The following SLIT2 variants were observed in gnomAD, a reference collection of about 807,000 sequenced individuals.
SLIT2 encodes the protein slit homolog 2 protein.
In SLIT2, 41 loss-of-function variants were observed where a neutral mutation model predicts 185.7. That is an observed-to-expected ratio of 0.22 (90% CI 0.17 to 0.29). The LOEUF is 0.29. Ranked by LOEUF, SLIT2 falls within the 10% of genes least tolerant of loss-of-function variation. The probability of loss-of-function intolerance (pLI) is 1.00; values close to 1 mark genes in which losing one functional copy is unlikely to be tolerated. For synonymous variants in SLIT2, 693 were observed against 680.2 expected, an observed-to-expected ratio of 1.02 and a Z score of -0.29; for missense variants, 1,571 against 1,909.0, an observed-to-expected ratio of 0.82 and a Z score of 3.30.
intron 21 of SLIT2, among the ~76,000 whole-genome samples, chr4:20,545,673 G>T (rs1723185066): frequency 6.6e-6 from 1 of 152,054 alleles, no homozygotes; most frequent in African/African-American, 2.4e-5. Context: ...CTTGGCCACA[G>T]CAGCAAGGTT....
At chr4:20,418,120 T>C (rs1287336566) in intron 4 of SLIT2, among the ~76,000 whole-genome samples, 2 of 152,170 alleles carry the variant, frequency 1.3e-5, no homozygotes, top group African/African-American at 4.8e-5. Context: ...ATCAGTTGAA[T>C]TGGCATGGGA....
intron 4 of SLIT2, among the ~76,000 whole-genome samples, chr4:20,320,563 C>T (rs1017864420): frequency 8.5e-5 from 13 of 152,178 alleles, no homozygotes; most frequent in South Asian, 2.1e-4. Context: ...GTCATGTTCT[C>T]GTCACTGAAT....
Position 20,528,921 on chromosome 4 carries a change from T to C in SLIT2, c.1463-28T>C, listed in dbSNP as rs778454168. 1.5e-5 allele frequency: 24 copies of C among 1,581,104 alleles called. No individual in the cohort carries two copies. The highest frequency in any genetic ancestry group is 2.1e-5 in the Non-Finnish European group (24 of 1,156,174). On this transcript the variant is annotated intron_variant, in intron 15 of 36. Coordinates refer to ENST00000504154, the MANE Select transcript of SLIT2 (RefSeq NM_004787.4). The surrounding 1 kb of genome is among the most constrained non-coding windows in gnomAD (Gnocchi z 4.2). ...AATTTTCTAACCTTTAGACTCAGTATCTTTTTTTTGGTTTGAATTCTCAAT... is the reference window on the plus strand; with the variant it reads ...AATTTTCTAACCTTTAGACTCAGTACCTTTTTTTTGGTTTGAATTCTCAAT...
intron 5 of SLIT2, among the ~76,000 whole-genome samples, chr4:20,478,218 C>A (rs577208515): frequency 5.9e-5 from 9 of 152,106 alleles, no homozygotes; most frequent in Non-Finnish European, 1.3e-4. Context: ...ACTTGGATTG[C>A]CCCTTCATAT....
intron 3 of SLIT2, among the ~76,000 whole-genome samples, chr4:20,258,201 T>G (rs1017074367): frequency 1.3e-5 from 2 of 151,822 alleles, no homozygotes; most frequent in African/African-American, 4.8e-5. Flanking sequence ...TACTTAAAGA[T>G]GTACAAGCAT....
intron 4 of SLIT2, among the ~76,000 whole-genome samples, chr4:20,323,300 G>C (rs1349996089): frequency 6.6e-6 from 1 of 152,138 alleles, no homozygotes; most frequent in Non-Finnish European, 1.5e-5. Context: ...TCAGTTAACT[G>C]TAGTTGAAGA....
At position 20,541,555 on chromosome 4, in the gene SLIT2, A is replaced by G. The variant is rs765872038; in HGVS notation, c.2079A>G (p.Lys693=). The part of the protein sequence containing the change: ...RIVTGNPRCQ[K]PYFLKEIPIQ... The stretch of plus-strand genomic sequence containing the variant: ...TCACGGGAAATCCTAGATGTCAAAA[A>G]CCATACTTCCTGAAAGAAATACCCA... Residue 693 remains lysine (K), a synonymous_variant, in exon 20 of 37, where the codon AAA becomes AAG. Coordinates refer to ENST00000504154, the MANE Select transcript of SLIT2 (RefSeq NM_004787.4). 1.2e-6 allele frequency: 2 copies of G among 1,613,866 alleles called. No homozygotes were observed. The highest frequency in any genetic ancestry group is 1.3e-5 in the African/African-American group (1 of 74,914).
chr4:20,357,598 A>G (rs1722427319), intron 4 of SLIT2, among the ~76,000 whole-genome samples: 1 of 152,090 alleles, frequency 6.6e-6, no homozygotes. Context: ...AAGTGGTAGT[A>G]GGTAGTAGGT....
intron 26 of SLIT2, among the ~76,000 whole-genome samples, chr4:20,566,386 A>AATGC (rs1461202853): frequency 2.0e-5 from 3 of 152,216 alleles, no homozygotes; most frequent in Admixed American, 6.6e-5. Context: ...TCTCACACAG[A>AATGC]ATGCACAAAG....
chr4:20,476,941 T>G (rs1033062098), intron 5 of SLIT2, among the ~76,000 whole-genome samples: 1 of 152,062 alleles, frequency 6.6e-6, no homozygotes, highest in Non-Finnish European at 1.5e-5. Context: ...CTAGAATAAA[T>G]CAAAATTTGA....
intron 4 of SLIT2, among the ~76,000 whole-genome samples, chr4:20,417,837 A>T (rs1362701111): frequency 6.6e-6 from 1 of 152,010 alleles, no homozygotes; most frequent in African/African-American, 2.4e-5. Context: ...TCATCTTCAC[A>T]TAGCCAACTC....
intron 4 of SLIT2, among the ~76,000 whole-genome samples, chr4:20,277,352 T>C (rs1363710848): frequency 6.6e-6 from 1 of 152,118 alleles, no homozygotes; most frequent in Non-Finnish European, 1.5e-5. Context: ...CAGTTTAACC[T>C]TGACCCTTTA....
intron 4 of SLIT2, among the ~76,000 whole-genome samples, chr4:20,383,509 A>G (rs889798708): frequency 3.9e-5 from 6 of 152,168 alleles, no homozygotes; most frequent in African/African-American, 7.2e-5. Flanking sequence ...TACAAATGCA[A>G]TGATATACCA....
At chr4:20,406,488 C>G (rs1726785308) in intron 4 of SLIT2, among the ~76,000 whole-genome samples, 1 of 143,346 alleles carries the variant, frequency 7.0e-6, no homozygotes, top group Non-Finnish European at 1.6e-5. Context: ...AAGAGAGGAA[C>G]CAAATTATTG....
rs1383508175 is a variant in SLIT2 at position 20,377,765 on chromosome 4, G to A, written c.396-89987G>A. ...CAACTCTCAGTTTATTTCATTTGAA[G>A]GAGGTAGTTGGTTTCTCAGACTGCT... On this transcript the variant is annotated intron_variant, in intron 4 of 36. Transcript: ENST00000504154. 4.6e-5 allele frequency among the ~76,000 whole-genome samples: 7 copies of A among 152,202 alleles called. No individual in the cohort carries two copies. In the South Asian group the frequency reaches 1.4e-3, roughly 32 times the overall value.
chr4:20,486,384 A>T, intron 7 of SLIT2, 113 bp downstream of exon 7: 1 of 647,062 alleles, frequency 1.5e-6, no homozygotes, highest in Non-Finnish European at 2.8e-6. Context: ...AGACAAGGAA[A>T]ACCCAACTTT....
chr4:20,374,906 A>T (rs1014012619), intron 4 of SLIT2, among the ~76,000 whole-genome samples: 1 of 152,128 alleles, frequency 6.6e-6, no homozygotes, highest in Non-Finnish European at 1.5e-5. Context: ...ACAAATGTCA[A>T]TAAGTCACAG....
At chr4:20,310,718 C>A (rs1391703249) in intron 4 of SLIT2, among the ~76,000 whole-genome samples, 2 of 152,142 alleles carry the variant, frequency 1.3e-5, no homozygotes, top group Non-Finnish European at 2.9e-5. Flanking sequence ...GAAGCTCTTT[C>A]ATATTATTTG....
intron 4 of SLIT2, among the ~76,000 whole-genome samples, chr4:20,322,247 G>T (rs1350932725): frequency 6.6e-6 from 1 of 152,174 alleles, no homozygotes; most frequent in Non-Finnish European, 1.5e-5. Flanking sequence ...AACTTCAGGA[G>T]ATTCTGATGA....
Sources: gnomAD v4.1 joint callset for allele counts (sites outside exome capture counted in the v4.1 genomes callset) on GRCh38, gnomAD v4.1.1 for gene constraint, Gnocchi (gnomAD v3.1) non-coding constraint, MANE v1.5 for transcripts, NCBI Gene and HGNC (gene_info 2026-07-23, HGNC 2026-07-21) for gene names.